GLI3: variants seen among roughly 807,000 people sequenced by gnomAD.
GLI3 encodes the protein transcription activator GLI3.
In GLI3, 20 loss-of-function variants were observed where a neutral mutation model predicts 100.8. The observed-to-expected ratio is 0.20, with a 90% CI of 0.14 to 0.29. The LOEUF (loss-of-function observed/expected upper bound fraction) is 0.29, where lower values mean the gene tolerates loss of function less well. Among genes scored for constraint, GLI3 ranks in the 10% least tolerant of loss-of-function variants. The pLI, the probability that GLI3 is intolerant of heterozygous loss-of-function variation, is 1.00. For synonymous variants in GLI3, 938 were observed against 860.5 expected (o/e 1.09, Z -1.58); for missense variants, 2,040 against 2,128.5 (o/e 0.96, Z 0.82).
intron 10 of GLI3, among the ~76,000 whole-genome samples, chr7:42,016,642 G>A (rs145664581): frequency 6.6e-6 from 1 of 152,164 alleles, no homozygotes; most frequent in East Asian, 1.9e-4. Flanking sequence ...GGGTAATGAT[G>A]GGAAACAAAA....
upstream of GLI3, among the ~76,000 whole-genome samples, chr7:42,238,219 C>T (rs1464093453): frequency 6.6e-6 from 1 of 151,932 alleles, no homozygotes; most frequent in Admixed American, 6.5e-5. Flanking sequence ...GCCAGGACAC[C>T]CCCCAAATGC....
At chr7:42,157,012 G>A (rs2128791458) in intron 2 of GLI3, among the ~76,000 whole-genome samples, 1 of 152,334 alleles carries the variant, frequency 6.6e-6, no homozygotes, top group East Asian at 1.9e-4. Context: ...TAGAGACCAT[G>A]CTTATGCCCT....
At chr7:42,219,658 G>T (rs1788443242) in intron 2 of GLI3, among the ~76,000 whole-genome samples, 1 of 152,144 alleles carries the variant, frequency 6.6e-6, no homozygotes, top group African/African-American at 2.4e-5. Context: ...AGTGGAATGT[G>T]AGTGGTTTGG....
At position 42,048,813 on chromosome 7, in the gene GLI3, G is replaced by A. The variant is rs544856337; in HGVS notation, c.474-117C>T. Reference sequence around the variant, plus strand: ...TTAAGTGAATTCAAAGGAGCCTTGTGGAAAAAACTGCAGGCAAATACATAT... The same window carrying A: ...TTAAGTGAATTCAAAGGAGCCTTGTAGAAAAAACTGCAGGCAAATACATAT... On this transcript the variant is annotated intron_variant, in intron 4 of 14. Coordinates refer to ENST00000395925, the MANE Select transcript of GLI3 (RefSeq NM_000168.6). 1.3e-4 allele frequency: 95 copies of A among 743,356 alleles called. No individual in the cohort carries two copies. The East Asian group carries it at 2.4e-3, about 19-fold the overall frequency. The allele number at this position is 743,356 out of a possible 1,614,324, so 46.0% of individuals were successfully genotyped here.
chr7:42,244,656 TGGCCTTATCGGAA>T (rs1788954953), intron 1 of GLI3, among the ~76,000 whole-genome samples: 1 of 152,088 alleles, frequency 6.6e-6, no homozygotes, highest in Admixed American at 6.5e-5. Context: ...ATCCAGATTC[TGGCCTTATCGGAA>T]GGCTACATCA....
intron 11 of GLI3, 64 bp from the exon 12 acceptor site, chr7:41,977,786 G>GA: frequency 2.1e-6 from 3 of 1,416,164 alleles, no homozygotes; most frequent in Non-Finnish European, 3.0e-6. Context: ...TGCCTAACAC[G>GA]CCCTCCAAGT....
intron 8 of GLI3, among the ~76,000 whole-genome samples, chr7:42,025,985 A>G (rs541329291): frequency 2.6e-4 from 39 of 152,342 alleles, no homozygotes; most frequent in African/African-American, 7.5e-4. Context: ...TGCCCATGGG[A>G]AAATGACCCT....
intron 4 of GLI3, among the ~76,000 whole-genome samples, chr7:42,074,538 G>T (rs1470641365): frequency 6.6e-6 from 1 of 152,204 alleles, no homozygotes; most frequent in African/African-American, 2.4e-5. Flanking sequence ...TAGGCCTTGA[G>T]GATGAATATA....
At chr7:41,980,477 G>T (rs575480338) in intron 10 of GLI3, among the ~76,000 whole-genome samples, 1 of 152,104 alleles carries the variant, frequency 6.6e-6, no homozygotes, top group Non-Finnish European at 1.5e-5. Context: ...ATTCTCAAAC[G>T]GGAGAAAAAG....
intron 10 of GLI3, among the ~76,000 whole-genome samples, chr7:41,996,771 C>T (rs2128720096): frequency 6.6e-6 from 1 of 152,222 alleles, no homozygotes; most frequent in African/African-American, 2.4e-5. Context: ...AGGCTCTCTT[C>T]AATATTCTAC....
At chr7:42,193,027 C>A (rs1304759960) in intron 2 of GLI3, among the ~76,000 whole-genome samples, 1 of 152,094 alleles carries the variant, frequency 6.6e-6, no homozygotes, top group Non-Finnish European at 1.5e-5. Context: ...ATGGCCCCAG[C>A]AAGTTTAGGG....
chr7:42,074,028 ATC>A (rs1401645703), intron 4 of GLI3, among the ~76,000 whole-genome samples: 1 of 152,204 alleles, frequency 6.6e-6, no homozygotes, highest in Non-Finnish European at 1.5e-5. Context: ...GTGTCTACTT[ATC>A]ATACCTCAGA....
intron 7 of GLI3, among the ~76,000 whole-genome samples, chr7:42,028,214 T>A (rs943154739): frequency 2.0e-5 from 3 of 152,172 alleles, no homozygotes; most frequent in Non-Finnish European, 4.4e-5. Flanking sequence ...ACTTCACATA[T>A]AATTACCATG....
chr7:41,979,688 C>A (rs1237286445), intron 10 of GLI3, among the ~76,000 whole-genome samples: 1 of 152,138 alleles, frequency 6.6e-6, no homozygotes, highest in Non-Finnish European at 1.5e-5. Flanking sequence ...ACATTTGCAT[C>A]CTAGGTTGAT....
chr7:42,212,647 AT>A (rs1788293481), intron 2 of GLI3, among the ~76,000 whole-genome samples: 1 of 152,236 alleles, frequency 6.6e-6, no homozygotes, highest in African/African-American at 2.4e-5. Flanking sequence ...ACGCTAATGA[AT>A]TTGAAATTAT....
At chr7:42,222,846 A>G in intron 2 of GLI3, 1 of 394,278 alleles carries the variant, frequency 2.5e-6, no homozygotes, top group South Asian at 2.2e-5. Flanking sequence ...AGACTAGTCA[A>G]GATGATTTCC....
At chr7:42,215,312 C>T (rs1232877284) in intron 2 of GLI3, among the ~76,000 whole-genome samples, 2 of 152,128 alleles carry the variant, frequency 1.3e-5, no homozygotes, top group African/African-American at 4.8e-5. Context: ...TAAACTAAAG[C>T]AGACATATCT....
chr7:42,127,404 A>G (rs1370983938), intron 3 of GLI3, among the ~76,000 whole-genome samples: 2 of 152,182 alleles, frequency 1.3e-5, no homozygotes, highest in African/African-American at 4.8e-5. Context: ...AAGCTCATAA[A>G]TCTACCCACT....
chr7:42,117,909 C>G (rs1214877600), intron 3 of GLI3, among the ~76,000 whole-genome samples: 1 of 152,174 alleles, frequency 6.6e-6, no homozygotes, highest in Non-Finnish European at 1.5e-5. Flanking sequence ...GTAGCTGCCG[C>G]TGTCTCCATG....
Sources: gnomAD v4.1 joint callset for allele counts (sites outside exome capture counted in the v4.1 genomes callset) on GRCh38, gnomAD v4.1.1 for gene constraint, MANE v1.5 for transcripts, NCBI Gene and HGNC (gene_info 2026-07-23, HGNC 2026-07-21) for gene names.